Variants in ARL8B observed in about 807,000 individuals in gnomAD.
ARL8B encodes the protein ADP-ribosylation factor-like protein 8B.
A neutral mutation model predicts 30.6 loss-of-function variants in ARL8B; 9 were observed. The observed-to-expected ratio is 0.29, with a 90% CI of 0.18 to 0.51. The LOEUF (loss-of-function observed/expected upper bound fraction) is 0.51. Ranked by LOEUF, ARL8B falls within the 20% of genes least tolerant of loss-of-function variation. ARL8B has a pLI of 0.97. For synonymous variants in ARL8B, 74 were observed against 76.0 expected (o/e 0.97, Z 0.14); for missense variants, 130 against 227.2 (o/e 0.57, Z 2.75).
chr3:5,179,963 C>T lies in ARL8B; in HGVS notation c.*1250C>T, dbSNP rs1397061352. The T allele has an allele frequency of 1.3e-5, 2 of 152,508 alleles. No homozygotes were observed. The highest frequency in any genetic ancestry group is 2.4e-5 in the African/African-American group (1 of 41,404). 9.4% of individuals were successfully genotyped at this position (152,508 alleles called of 1,614,324 possible). On this transcript the variant is annotated 3_prime_UTR_variant, in exon 7 of 7. Transcript: ENST00000256496. ...ACATGTTTTGTAGTTTAGCGACTTC[C>T]GTATACATAAAGGGACATATTAATA...
Position 5,122,501 on chromosome 3 carries a change from C to T in ARL8B, c.36C>T (p.Phe12=). The change falls in exon 1 of 7, where the codon TTC becomes TTT. Residue 12 remains phenylalanine (F), a synonymous_variant. Transcript: ENST00000256496. ...LALISRLLDW[F]RSLFWKEEME... ...TCATCTCCCGCCTGCTGGACTGGTT[C>T]CGTTCGCTCTTCTGGAAGGAAGAGA... 1 of 1,613,728 alleles carries T rather than the reference C, an allele frequency of 6.2e-7. No individual in the cohort carries two copies. Among genetic ancestry groups the T allele is most frequent in the Non-Finnish European group, 8.5e-7 (1 of 1,179,788 alleles).
At chr3:5,129,113 T>C (rs1392493335) in intron 1 of ARL8B, among the ~76,000 whole-genome samples, 2 of 152,250 alleles carry the variant, frequency 1.3e-5, no homozygotes, top group African/African-American at 4.8e-5. Context: ...TTATGTCATA[T>C]GGCCAAATTG....
At chr3:5,151,304 ATAG>A (rs2054480994) in intron 1 of ARL8B, among the ~76,000 whole-genome samples, 1 of 152,134 alleles carries the variant, frequency 6.6e-6, no homozygotes, top group South Asian at 2.1e-4. Context: ...GAAGCTGGGC[ATAG>A]TGAAGTGTGC....
chr3:5,149,107 TAC>T (rs2054456109), intron 1 of ARL8B, among the ~76,000 whole-genome samples: 1 of 152,238 alleles, frequency 6.6e-6, no homozygotes, highest in Non-Finnish European at 1.5e-5. Flanking sequence ...ATATCTAAGA[TAC>T]ATCTCAGTTG....
chr3:5,160,186 TTTGC>T (rs1429859684), intron 1 of ARL8B, among the ~76,000 whole-genome samples: 1 of 152,236 alleles, frequency 6.6e-6, no homozygotes, highest in Non-Finnish European at 1.5e-5. Flanking sequence ...AAAAGTGTTA[TTTGC>T]TTGAGCTCTC....
intron 6 of ARL8B, among the ~76,000 whole-genome samples, chr3:5,175,691 C>T (rs777847384): frequency 1.1e-4 from 17 of 152,286 alleles, no homozygotes; most frequent in South Asian, 4.1e-4. Flanking sequence ...TCAGCAGGGT[C>T]GTGTTCTCTC....
intron 1 of ARL8B, among the ~76,000 whole-genome samples, chr3:5,155,471 T>G (rs1195066441): frequency 6.6e-6 from 1 of 152,204 alleles, no homozygotes; most frequent in Non-Finnish European, 1.5e-5. Flanking sequence ...TGGGTCATTA[T>G]TTCTTCAAAT....
Position 5,174,010 on chromosome 3 carries a change from T to G in ARL8B, c.373-7T>G. On this transcript the variant is annotated splice_polypyrimidine_tract_variant and splice_region_variant and intron_variant, in intron 4 of 6. Transcript: ENST00000256496. ...ACGTGTGCTCTTAATATCTTTTCTT[T>G]TTAAAGGTGCTAGTGCTTGGAAACA... 6.2e-7 allele frequency: 1 copy of G among 1,607,130 alleles called. No individual in the cohort carries two copies.
chr3:5,149,883 A>G (rs945556040), intron 1 of ARL8B, among the ~76,000 whole-genome samples: 2 of 152,234 alleles, frequency 1.3e-5, no homozygotes, highest in Non-Finnish European at 2.9e-5. Flanking sequence ...AGCACATGAT[A>G]GATGTTTTAG....
At chr3:5,124,167 C>T (rs2106549535) in intron 1 of ARL8B, among the ~76,000 whole-genome samples, 1 of 151,992 alleles carries the variant, frequency 6.6e-6, no homozygotes, top group Non-Finnish European at 1.5e-5. Context: ...CCGCGCCTGG[C>T]CTCCTATTGT....
Sources: gnomAD v4.1 joint callset for allele counts (sites outside exome capture counted in the v4.1 genomes callset) on GRCh38, gnomAD v4.1.1 for gene constraint, MANE v1.5 for transcripts, NCBI Gene and HGNC (gene_info 2026-07-23, HGNC 2026-07-21) for gene names.